The following DDX50 variants were observed in gnomAD, a reference collection of about 807,000 sequenced individuals.
The protein encoded by DDX50 is DExD-box helicase 50.
Under a neutral mutation model 94.8 loss-of-function variants are expected in DDX50, and 56 were observed. That is an observed-to-expected ratio of 0.59 (90% confidence interval 0.48 to 0.74). DDX50 has a LOEUF of 0.74. Among genes scored for constraint, DDX50 ranks in the 30% least tolerant of loss-of-function variants. The pLI, the probability that DDX50 is intolerant of heterozygous loss-of-function variation, is 0.00. For missense variants in DDX50, 713 were observed against 881.2 expected, an observed-to-expected ratio of 0.81 and a Z score of 2.42; for synonymous variants, 264 against 295.4, an observed-to-expected ratio of 0.89 and a Z score of 1.09.
intron 8 of DDX50, among the ~76,000 whole-genome samples, chr10:68,929,296 T>TTC (rs1354099619): frequency 0.034 from 2,248 of 65,878 alleles, 26 homozygotes; most frequent in African/African-American, 0.052. Flanking sequence ...TTCCTTCCTC[T>TTC]CTCTCTCTCT....
chr10:68,923,140 T>G (rs1416465879), intron 8 of DDX50, among the ~76,000 whole-genome samples: 1 of 146,774 alleles, frequency 6.8e-6, no homozygotes, highest in Non-Finnish European at 1.5e-5. Flanking sequence ...AAATTCTGTT[T>G]GTGTGTGTGT....
Position 68,934,761 on chromosome 10 carries a change from C to T in DDX50, c.1402-38C>T. On this transcript the variant is annotated intron_variant, in intron 9 of 14. Transcript: ENST00000373585. The surrounding 1 kb of genome is among the most constrained non-coding windows in gnomAD (Gnocchi z 4.0). Reference sequence around the variant, plus strand: ...TGGATTCCGGAATGACTGCAACTTGCTAGATTTTTAAAAAATATTACCTTT... The same window carrying T: ...TGGATTCCGGAATGACTGCAACTTGTTAGATTTTTAAAAAATATTACCTTT... 1 of 1,561,720 alleles carries T rather than the reference C, an allele frequency of 6.4e-7. No homozygotes were observed. Among genetic ancestry groups the T allele is most frequent in the Non-Finnish European group, 8.6e-7 (1 of 1,162,596 alleles).
At chr10:68,932,094 T>C (rs1842288449) in intron 8 of DDX50, among the ~76,000 whole-genome samples, 1 of 152,226 alleles carries the variant, frequency 6.6e-6, no homozygotes, top group Non-Finnish European at 1.5e-5. Flanking sequence ...CACATCATAC[T>C]GTATTGAAGA....
intron 14 of DDX50, among the ~76,000 whole-genome samples, chr10:68,944,627 A>T (rs1842624694): frequency 6.6e-6 from 1 of 151,852 alleles, no homozygotes; most frequent in Non-Finnish European, 1.5e-5. Context: ...GCTCACTGCA[A>T]CCTCCGCCTC....
At chr10:68,945,774 A>T (rs1842656366) in intron 14 of DDX50, among the ~76,000 whole-genome samples, 1 of 152,100 alleles carries the variant, frequency 6.6e-6, no homozygotes, top group Non-Finnish European at 1.5e-5. Flanking sequence ...GCTGGTGTTG[A>T]CTTGTATTTA....
At chr10:68,901,748 C>T (rs1254393516) in intron 1 of DDX50, among the ~76,000 whole-genome samples, 1 of 152,242 alleles carries the variant, frequency 6.6e-6, no homozygotes. Context: ...ACTCAAGCTC[C>T]CATCACCATG....
At chr10:68,943,722 G>A (rs531332599) in intron 14 of DDX50, among the ~76,000 whole-genome samples, 3 of 152,042 alleles carry the variant, frequency 2.0e-5, no homozygotes, top group South Asian at 2.1e-4. Context: ...GTGAGCCACC[G>A]CTCCTGGCCC....
chr10:68,908,895 C>T (rs1342917926), intron 2 of DDX50, among the ~76,000 whole-genome samples: 1 of 152,152 alleles, frequency 6.6e-6, no homozygotes, highest in Non-Finnish European at 1.5e-5. Context: ...ATCCACCCAC[C>T]TTGGCCTCCC....
At chr10:68,924,221 C>A (rs1040209160) in intron 8 of DDX50, among the ~76,000 whole-genome samples, 1 of 151,992 alleles carries the variant, frequency 6.6e-6, no homozygotes, top group Non-Finnish European at 1.5e-5. Flanking sequence ...ATCCACCTGC[C>A]TAGGCCTCCC....
chr10:68,914,263 T>C, intron 7 of DDX50, 59 bp downstream of exon 7: 1 of 1,585,538 alleles, frequency 6.3e-7, no homozygotes. Context: ...CTTTTGACAT[T>C]TGTTGAAGCT....
At chr10:68,912,820 G>T (rs1427203964) in intron 4 of DDX50, among the ~76,000 whole-genome samples, 1 of 152,170 alleles carries the variant, frequency 6.6e-6, no homozygotes, top group Non-Finnish European at 1.5e-5. Context: ...ATAAATTCCT[G>T]CCTTCATGGA....
At chr10:68,919,228 T>G (rs1841882668) in intron 7 of DDX50, among the ~76,000 whole-genome samples, 1 of 152,256 alleles carries the variant, frequency 6.6e-6, no homozygotes, top group South Asian at 2.1e-4. Context: ...AATATGTGAC[T>G]TTTTATGTCT....
At chr10:68,943,405 T>G (rs1389341929) in intron 14 of DDX50, 148 bp downstream of exon 14, 4 of 690,946 alleles carry the variant, frequency 5.8e-6, no homozygotes, top group Middle Eastern at 6.1e-4. Context: ...TGTCTCAAAC[T>G]TAAATTTATT....
rs201568083 is a variant in DDX50 at position 68,910,397 on chromosome 10, T to G, written c.460+15T>G. ...GCTTCTGAAAGGTATGCAGTTTGGT[T>G]GTTGTTGTTATTGTTGTTGTTTTGA... is the stretch of plus-strand genomic sequence containing the variant. On this transcript the variant is annotated intron_variant, in intron 3 of 14. Coordinates refer to ENST00000373585, the MANE Select transcript of DDX50 (RefSeq NM_024045.2). 207 of 1,582,634 alleles carry G rather than the reference T, an allele frequency of 1.3e-4. No homozygotes were observed. Among genetic ancestry groups the G allele is most frequent in the Admixed American group, 2.2e-4 (11 of 51,022 alleles).
At chr10:68,903,674 G>T (rs1358749597) in intron 1 of DDX50, among the ~76,000 whole-genome samples, 1 of 152,058 alleles carries the variant, frequency 6.6e-6, no homozygotes, top group Non-Finnish European at 1.5e-5. Context: ...GGTGGCACAT[G>T]CCTGTAATCC....
intron 2 of DDX50, 22 bp from the exon 3 acceptor site, chr10:68,910,285 G>C (rs758818246): frequency 7.0e-6 from 11 of 1,560,676 alleles, no homozygotes; most frequent in Non-Finnish European, 9.6e-6. Context: ...AATTATTTAG[G>C]CCATTGATTT....
chr10:68,904,169 G>C (rs1841375799), intron 1 of DDX50, among the ~76,000 whole-genome samples: 2 of 151,536 alleles, frequency 1.3e-5, no homozygotes, highest in African/African-American at 4.9e-5. Flanking sequence ...AAATTAGCCA[G>C]CCGTTGTAGC....
Position 68,945,133 on chromosome 10 carries a change from TA to T in DDX50, c.1936-1218del, listed in dbSNP as rs373263715. Among the ~76,000 whole-genome samples, 66 of 152,330 alleles carry T rather than the reference TA, an allele frequency of 4.3e-4. 1 individual carries two copies. In the East Asian group the frequency reaches 0.013, roughly 29 times the overall value. ...CGAATTCTTTATGCATTGCCATGTT[TA>T]TCTCTTTAAGATGAGTTTTTAAATG... On this transcript the variant is annotated intron_variant, in intron 14 of 14. Transcript: ENST00000373585.
At chr10:68,901,850 G>C (rs80083909) in intron 1 of DDX50, among the ~76,000 whole-genome samples, 298 of 152,280 alleles carry the variant, frequency 2.0e-3, no homozygotes, top group African/African-American at 6.7e-3. Flanking sequence ...TGATTGCTTT[G>C]AATATGTGTT....
Sources: allele counts gnomAD v4.1 joint callset (sites outside exome capture counted in the v4.1 genomes callset), GRCh38; gene constraint gnomAD v4.1.1; non-coding constraint Gnocchi (gnomAD v3.1); transcripts MANE v1.5; gene names NCBI Gene and HGNC (gene_info 2026-07-23, HGNC 2026-07-21).